Variants in HAPLN1 observed in about 807,000 individuals in gnomAD.
The protein encoded by HAPLN1 is hyaluronan and proteoglycan link protein 1.
Under a neutral mutation model 36.5 loss-of-function variants are expected in HAPLN1, and 13 were observed. That is an observed-to-expected ratio of 0.36 (90% CI 0.23 to 0.57). The LOEUF (loss-of-function observed/expected upper bound fraction) is 0.57, where lower values mean the gene tolerates loss of function less well. Among genes scored for constraint, HAPLN1 ranks in the 20% least tolerant of loss-of-function variants. HAPLN1 has a pLI of 0.83. For synonymous variants in HAPLN1, 202 were observed against 169.8 expected, an observed-to-expected ratio of 1.19 and a Z score of -1.48; for missense variants, 407 against 439.7, an observed-to-expected ratio of 0.93 and a Z score of 0.66.
intron 3 of HAPLN1, among the ~76,000 whole-genome samples, chr5:83,647,771 A>G (rs1580119650): frequency 1.3e-5 from 2 of 152,338 alleles, no homozygotes; most frequent in African/African-American, 4.8e-5. Flanking sequence ...CAAAAGGGAC[A>G]CATAAAAGTT....
chr5:83,687,354 T>C (rs914036898), intron 1 of HAPLN1, among the ~76,000 whole-genome samples: 5 of 152,220 alleles, frequency 3.3e-5, no homozygotes, highest in Non-Finnish European at 5.9e-5. Flanking sequence ...TAGGAAGGTC[T>C]TTTCAAAATA....
chr5:83,675,556 G>T (rs146750094), intron 1 of HAPLN1, among the ~76,000 whole-genome samples: 1 of 152,086 alleles, frequency 6.6e-6, no homozygotes, highest in Non-Finnish European at 1.5e-5. Flanking sequence ...AATTTCATTC[G>T]TCTTAAAAAT....
intron 2 of HAPLN1, among the ~76,000 whole-genome samples, chr5:83,663,386 T>C (rs542149866): frequency 6.6e-5 from 10 of 152,336 alleles, no homozygotes; most frequent in African/African-American, 2.4e-4. Flanking sequence ...ATATGTGCCC[T>C]CTGCATTTTC....
intron 1 of HAPLN1, among the ~76,000 whole-genome samples, chr5:83,691,776 A>G (rs1053599706): frequency 2.0e-5 from 3 of 151,914 alleles, no homozygotes; most frequent in Non-Finnish European, 4.4e-5. Flanking sequence ...ATAAAGAGAA[A>G]ACTTAGTCAA....
At chr5:83,643,865 C>A (rs1243721471) in intron 4 of HAPLN1, among the ~76,000 whole-genome samples, 2 of 152,232 alleles carry the variant, frequency 1.3e-5, no homozygotes. Context: ...ACTGCTGCAA[C>A]CTTTCCTTCT....
At position 83,673,320 on chromosome 5, in the gene HAPLN1, A is replaced by G. The variant is rs541662532; in HGVS notation, c.100+104T>C. 238 of 750,408 alleles carry G rather than the reference A, an allele frequency of 3.2e-4. 2 individuals carry two copies. In the African/African-American group the frequency reaches 3.9e-3, roughly 12 times the overall value. 46.5% of individuals were successfully genotyped at this position (750,408 alleles called of 1,614,324 possible). A position where few individuals can be genotyped will look rare whatever the true frequency, so the allele number is the denominator to read the frequency against. ...CCAATTAGCAGAAAGGGAAAGAAAA[A>G]GTCAATGCAGCAGAACTAAAATTAA... On this transcript the variant is annotated intron_variant, in intron 2 of 4. Coordinates refer to ENST00000274341, the MANE Select transcript of HAPLN1 (RefSeq NM_001884.4).
chr5:83,659,882 A>T (rs1750334038), intron 2 of HAPLN1, among the ~76,000 whole-genome samples: 1 of 152,094 alleles, frequency 6.6e-6, no homozygotes, highest in South Asian at 2.1e-4. Context: ...TAATGCTGAA[A>T]ATAGGATAAG....
intron 1 of HAPLN1, chr5:83,685,833 T>C (rs1258349295): frequency 6.6e-6 from 1 of 152,200 alleles, no homozygotes; most frequent in Non-Finnish European, 1.5e-5. Flanking sequence ...TTCTCTCTTG[T>C]CGGTGCCTCA....
At chr5:83,717,367 C>T (rs927878691) in intron 1 of HAPLN1, among the ~76,000 whole-genome samples, 2 of 152,124 alleles carry the variant, frequency 1.3e-5, no homozygotes, top group Admixed American at 1.3e-4. Context: ...TGTAGGTTTC[C>T]CTGCCATACA....
intron 1 of HAPLN1, among the ~76,000 whole-genome samples, chr5:83,696,106 A>T (rs138192263): frequency 2.6e-5 from 4 of 152,312 alleles, no homozygotes; most frequent in African/African-American, 9.6e-5. Context: ...TGCAAACATC[A>T]TTATATTTTT....
rs16900737 is a variant in HAPLN1, at chr5:83,686,620, A to C, written c.-26-13071T>G. On this transcript the variant is annotated intron_variant, in intron 1 of 4. Transcript: ENST00000274341. ...CCACCTTTTCATTCTGCTAATGCTG[A>C]CTAAAATTGTAATACATCAAATTCA... 9.0e-3 allele frequency among the ~76,000 whole-genome samples: 1,374 copies of C among 152,302 alleles called. 29 individuals are homozygous for C. The highest frequency in any genetic ancestry group is 0.032 in the African/African-American group (1,314 of 41,552).
chr5:83,647,427 T>A (rs1214038203), intron 3 of HAPLN1, among the ~76,000 whole-genome samples: 2 of 152,238 alleles, frequency 1.3e-5, no homozygotes, highest in Admixed American at 6.5e-5. Context: ...AAAACTTTCC[T>A]TGTATTCTAC....
intron 3 of HAPLN1, 124 bp downstream of exon 3, chr5:83,652,329 T>C: frequency 2.2e-6 from 2 of 911,546 alleles, no homozygotes; most frequent in Non-Finnish European, 3.3e-6. Context: ...AAGAATAAGA[T>C]GCCAGGCAAG....
intron 2 of HAPLN1, among the ~76,000 whole-genome samples, chr5:83,654,667 T>C (rs1027201213): frequency 2.0e-5 from 3 of 152,256 alleles, no homozygotes; most frequent in Non-Finnish European, 2.9e-5. Context: ...AGTTTAGATA[T>C]GACACATAGC....
intron 1 of HAPLN1, among the ~76,000 whole-genome samples, chr5:83,718,918 T>C (rs1043616397): frequency 1.1e-4 from 16 of 152,216 alleles, no homozygotes; most frequent in African/African-American, 3.9e-4. Context: ...CATTGCTATC[T>C]TAAGATTCAA....
chr5:83,688,490 A>G lies in HAPLN1; in HGVS notation c.-26-14941T>C, dbSNP rs181413915. On this transcript the variant is annotated intron_variant, in intron 1 of 4. Transcript: ENST00000274341. ...GTCCTCATTCTCAGTCGTAAAATGA[A>G]GTTGCTTCAAAACACTAGCGTAATT... 1.4e-3 allele frequency among the ~76,000 whole-genome samples: 220 copies of G among 152,316 alleles called. 1 individual carries two copies. The highest frequency in any genetic ancestry group is 2.7e-3 in the Non-Finnish European group (187 of 68,020).
chr5:83,653,531 G>A (rs574626333), intron 2 of HAPLN1, among the ~76,000 whole-genome samples: 4 of 152,294 alleles, frequency 2.6e-5, no homozygotes, highest in Non-Finnish European at 5.9e-5. Context: ...TGTTAAAAAC[G>A]TATCCAAAGT....
chr5:83,655,933 G>A (rs886526298), intron 2 of HAPLN1, among the ~76,000 whole-genome samples: 5 of 152,166 alleles, frequency 3.3e-5, no homozygotes, highest in African/African-American at 4.8e-5. Context: ...AACCACAGGC[G>A]TTGATTACAA....
chr5:83,692,789 C>T (rs186579596), intron 1 of HAPLN1, among the ~76,000 whole-genome samples: 89 of 151,790 alleles, frequency 5.9e-4, no homozygotes, highest in African/African-American at 2.0e-3. Flanking sequence ...TATGAATGTA[C>T]GGTGGGGTTT....
Sources: gnomAD v4.1 joint callset for allele counts (sites outside exome capture counted in the v4.1 genomes callset) on GRCh38, gnomAD v4.1.1 for gene constraint, MANE v1.5 for transcripts, NCBI Gene and HGNC (gene_info 2026-07-23, HGNC 2026-07-21) for gene names.